Variants in FRMD4A observed in about 807,000 individuals in gnomAD.
FRMD4A encodes the protein FERM domain containing 4A.
In FRMD4A, 29 loss-of-function variants were observed where a neutral mutation model predicts 129.1. The ratio of observed to expected loss-of-function variants is 0.22; its 90% CI spans 0.17 to 0.31. FRMD4A has a LOEUF of 0.31. FRMD4A is among the 10% of genes least tolerant of loss of function. The pLI, the probability that FRMD4A is intolerant of heterozygous loss-of-function variation, is 1.00. For synonymous variants in FRMD4A, 634 were observed against 571.6 expected (o/e 1.11, Z -1.56); for missense variants, 1,272 against 1,375.8 (o/e 0.92, Z 1.19).
chr10:14,062,290 G>A (rs1307488425), intron 2 of FRMD4A, among the ~76,000 whole-genome samples: 2 of 152,250 alleles, frequency 1.3e-5, no homozygotes, highest in African/African-American at 2.4e-5. Context: ...TTACAAAAGG[G>A]CACATACAGG....
Position 13,858,262 on chromosome 10 carries a change from C to G in FRMD4A, c.111+585G>C, listed in dbSNP as rs758945376. ...CAGTCTGACCAGCATGGAGAAACCC[C>G]GTCTCAACTAAAAATATAAAAAATT... On this transcript the variant is annotated intron_variant, in intron 3 of 24. Coordinates refer to ENST00000357447, the MANE Select transcript of FRMD4A (RefSeq NM_018027.5). Among the ~76,000 whole-genome samples, 176 of 152,204 alleles carry G rather than the reference C, an allele frequency of 1.2e-3. 1 individual carries two copies. The highest frequency in any genetic ancestry group is 6.8e-3 in the Middle Eastern group (2 of 294).
At chr10:14,175,431 C>G (rs952199860) in intron 2 of FRMD4A, among the ~76,000 whole-genome samples, 1 of 151,988 alleles carries the variant, frequency 6.6e-6, no homozygotes, top group Non-Finnish European at 1.5e-5. Context: ...CTTCTCCTCC[C>G]GTTCACACAT....
At chr10:13,704,544 C>T (rs1256433014) in intron 13 of FRMD4A, among the ~76,000 whole-genome samples, 1 of 152,206 alleles carries the variant, frequency 6.6e-6, no homozygotes, top group East Asian at 1.9e-4. Context: ...CCAGGTCCAA[C>T]TCAGACCTCT....
chr10:13,789,378 G>T (rs1212242336), intron 5 of FRMD4A, among the ~76,000 whole-genome samples: 1 of 152,054 alleles, frequency 6.6e-6, no homozygotes, highest in African/African-American at 2.4e-5. Flanking sequence ...TTTGCTGCTT[G>T]CTTCAGTTTA....
chr10:14,246,800 C>T (rs1017079054), intron 2 of FRMD4A, among the ~76,000 whole-genome samples: 14 of 151,868 alleles, frequency 9.2e-5, no homozygotes, highest in African/African-American at 3.1e-4. Flanking sequence ...AGAGAGAAAA[C>T]GCGGAGATAG....
intron 17 of FRMD4A, 101 bp downstream of exon 17, chr10:13,670,305 G>C: frequency 8.1e-7 from 1 of 1,229,060 alleles, no homozygotes; most frequent in South Asian, 1.3e-5. Context: ...ACTGGCATTA[G>C]GCAGAAATGA....
At chr10:14,134,987 A>T (rs59638692) in intron 2 of FRMD4A, among the ~76,000 whole-genome samples, 5,419 of 152,314 alleles carry the variant, frequency 0.036, 311 homozygotes, top group African/African-American at 0.12. Flanking sequence ...AATTGAAGAG[A>T]TGTTGAGGGA....
At chr10:14,316,479 T>A in intron 2 of FRMD4A, among the ~76,000 whole-genome samples, 1 of 135,854 alleles carries the variant, frequency 7.4e-6, no homozygotes. Flanking sequence ...ATTATAAATT[T>A]CCCAGTCTCT....
At chr10:14,318,020 C>A (rs896665705) in intron 2 of FRMD4A, among the ~76,000 whole-genome samples, 1 of 152,134 alleles carries the variant, frequency 6.6e-6, no homozygotes, top group Non-Finnish European at 1.5e-5. Flanking sequence ...AAAGAGGCTA[C>A]CTCACTCAGT....
intron 6 of FRMD4A, among the ~76,000 whole-genome samples, chr10:13,763,571 G>T (rs948858359): frequency 2.0e-4 from 31 of 152,082 alleles, no homozygotes; most frequent in Admixed American, 6.6e-5. Flanking sequence ...CAATGTTTCT[G>T]CCTATTAGTT....
intron 2 of FRMD4A, among the ~76,000 whole-genome samples, chr10:13,925,137 A>G (rs1478497385): frequency 6.6e-6 from 1 of 151,648 alleles, no homozygotes; most frequent in East Asian, 1.9e-4. Context: ...ACAGGCTGCA[A>G]TTGTGGTGGC....
intron 2 of FRMD4A, among the ~76,000 whole-genome samples, chr10:14,036,493 G>C (rs1043840872): frequency 6.6e-6 from 1 of 152,208 alleles, no homozygotes; most frequent in African/African-American, 2.4e-5. Context: ...GGAGTATAGT[G>C]ATGCTTGTTT....
chr10:14,124,670 T>C (rs1276723304), intron 2 of FRMD4A, among the ~76,000 whole-genome samples: 3 of 151,930 alleles, frequency 2.0e-5, no homozygotes, highest in African/African-American at 4.8e-5. Flanking sequence ...GGCAAGACTT[T>C]GTCTCAACTA....
At chr10:14,039,359 T>TGTCCATCCGTCCGTCCGTCC (rs201613957) in intron 2 of FRMD4A, among the ~76,000 whole-genome samples, 21 of 128,356 alleles carry the variant, frequency 1.6e-4, no homozygotes, top group African/African-American at 5.3e-4. Context: ...CTTTCTGATC[T>TGTCCATCCGTCCGTCCGTCC]GTCCGTCCGT....
chr10:14,061,022 G>A (rs1241408226), intron 2 of FRMD4A, among the ~76,000 whole-genome samples: 5 of 149,832 alleles, frequency 3.3e-5, no homozygotes, highest in Non-Finnish European at 4.4e-5. Context: ...AACCAATAAG[G>A]AAAAAAAAAT....
At chr10:14,194,559 C>A (rs10732258) in intron 2 of FRMD4A, among the ~76,000 whole-genome samples, 1 of 152,150 alleles carries the variant, frequency 6.6e-6, no homozygotes, top group Non-Finnish European at 1.5e-5. Flanking sequence ...TGCAGTGAGC[C>A]GAGATCGCAC....
intron 2 of FRMD4A, among the ~76,000 whole-genome samples, chr10:13,923,585 T>G (rs72774642): frequency 0.11 from 15,988 of 152,234 alleles, 1,135 homozygotes; most frequent in Non-Finnish European, 0.13. Context: ...AACCTATGTT[T>G]ACCATAAGGT....
intron 2 of FRMD4A, among the ~76,000 whole-genome samples, chr10:13,879,094 C>T: frequency 6.6e-6 from 1 of 152,124 alleles, no homozygotes; most frequent in Non-Finnish European, 1.5e-5. Flanking sequence ...TTTAAATAAG[C>T]ATAGTTTATT....
At position 13,660,338 on chromosome 10, in the gene FRMD4A, G is replaced by A. The variant is rs747029408; in HGVS notation, c.1876C>T (p.Arg626Cys). The A allele has an allele frequency of 2.9e-5, 47 of 1,612,250 alleles. No individual in the cohort carries two copies. In the South Asian group the frequency reaches 4.8e-4, roughly 17 times the overall value. ...CACCTGGAATGGCTGTGAGAGGAGC[G>A]CTTCTTGACCTTCTCATAGGGTTCA... ...LDEPYEKVKK[R>C]SSHSHSSSHK... Residue 626 changes from arginine to cysteine, a missense_variant, in exon 20 of 25, where the codon CGC becomes TGC. Physicochemically the swap from Arg to Cys is radical, Grantham distance 180 (BLOSUM62 -3). Around this residue, in one of 2 missense-constraint regions of FRMD4A, gnomAD observed 972 missense variants for 892.3 expected, o/e 1.09. Coordinates refer to ENST00000357447, the MANE Select transcript of FRMD4A (RefSeq NM_018027.5).
Sources: gnomAD v4.1 joint callset for allele counts (sites outside exome capture counted in the v4.1 genomes callset) on GRCh38, gnomAD v4.1.1 for gene constraint, gnomAD v4.1.1 regional missense constraint, MANE v1.5 for transcripts, NCBI Gene and HGNC (gene_info 2026-07-23, HGNC 2026-07-21) for gene names.